Variants in TRPM3 observed in about 807,000 individuals in gnomAD.
TRPM3 encodes transient receptor potential cation channel subfamily M member 3.
Under a neutral mutation model 181.2 loss-of-function variants are expected in TRPM3, and 77 were observed. The ratio of observed to expected loss-of-function variants is 0.42; its 90% CI spans 0.35 to 0.51. The LOEUF is 0.51. Among genes scored for constraint, TRPM3 ranks in the 20% least tolerant of loss-of-function variants. The pLI is 0.01. For synonymous variants in TRPM3, 745 were observed against 796.4 expected, an observed-to-expected ratio of 0.94 and a Z score of 1.09; for missense variants, 1,759 against 2,196.7, an observed-to-expected ratio of 0.80 and a Z score of 3.98.
At chr9:70,948,501 C>G (rs1227831041) in intron 1 of TRPM3, among the ~76,000 whole-genome samples, 1 of 152,158 alleles carries the variant, frequency 6.6e-6, no homozygotes, top group African/African-American at 2.4e-5. Flanking sequence ...TGTACTGTGA[C>G]ATGCCCTCTG....
At chr9:71,133,843 A>G (rs967892063) in intron 1 of TRPM3, among the ~76,000 whole-genome samples, 1 of 152,172 alleles carries the variant, frequency 6.6e-6, no homozygotes, top group African/African-American at 2.4e-5. Flanking sequence ...CAATCTAAGC[A>G]CAGACAAACA....
At chr9:71,424,281 T>C (rs1407509361) in intron 1 of TRPM3, among the ~76,000 whole-genome samples, 4 of 152,186 alleles carry the variant, frequency 2.6e-5, no homozygotes, top group Non-Finnish European at 5.9e-5. Context: ...TATTACCTTG[T>C]GGCAAGCCAT....
chr9:70,847,078 A>T (rs150668868), intron 3 of TRPM3, among the ~76,000 whole-genome samples: 112 of 152,332 alleles, frequency 7.4e-4, no homozygotes, highest in African/African-American at 2.5e-3. Context: ...AATTACATTT[A>T]TTTATAGCTA....
intron 1 of TRPM3, among the ~76,000 whole-genome samples, chr9:70,895,713 C>T (rs1168138100): frequency 6.6e-6 from 1 of 151,984 alleles, no homozygotes; most frequent in Non-Finnish European, 1.5e-5. Flanking sequence ...CTGGGGGGAA[C>T]TGAGAATATA....
chr9:71,270,585 A>T (rs2083715681), intron 1 of TRPM3, among the ~76,000 whole-genome samples: 1 of 152,104 alleles, frequency 6.6e-6, no homozygotes, highest in Admixed American at 6.5e-5. Flanking sequence ...CTCCCTAGGT[A>T]TTCACTTAAC....
chr9:70,877,206 G>A (rs2095882910), intron 1 of TRPM3, among the ~76,000 whole-genome samples: 1 of 151,836 alleles, frequency 6.6e-6, no homozygotes, highest in Admixed American at 6.6e-5. Flanking sequence ...TTCGTTACTG[G>A]ATCTCACCGG....
intron 24 of TRPM3, among the ~76,000 whole-genome samples, chr9:70,551,775 G>A (rs111262240): frequency 4.8e-4 from 73 of 152,290 alleles, no homozygotes; most frequent in African/African-American, 1.6e-3. Context: ...ATTGGCTAGA[G>A]TTCCTGAGTC....
intron 1 of TRPM3, among the ~76,000 whole-genome samples, chr9:71,414,091 G>A (rs968041347): frequency 7.2e-5 from 11 of 151,978 alleles, no homozygotes; most frequent in Admixed American, 1.3e-4. Context: ...CCATTGTATC[G>A]CACTTATTGT....
intron 1 of TRPM3, among the ~76,000 whole-genome samples, chr9:71,003,427 T>G (rs1020578887): frequency 2.0e-5 from 3 of 151,624 alleles, no homozygotes; most frequent in Non-Finnish European, 2.9e-5. Context: ...TTGTACTTGT[T>G]AAGGTATATT....
intron 8 of TRPM3, among the ~76,000 whole-genome samples, chr9:70,684,594 G>GA (rs201016746): frequency 5.3e-5 from 8 of 150,716 alleles, no homozygotes; most frequent in African/African-American, 1.2e-4. Context: ...ATCTGCTTCA[G>GA]AAAAAAAAAG....
chr9:70,929,239 T>C (rs914462768), intron 1 of TRPM3, among the ~76,000 whole-genome samples: 1 of 152,028 alleles, frequency 6.6e-6, no homozygotes, highest in Non-Finnish European at 1.5e-5. Context: ...TCTCACTCTA[T>C]TGCCCAGGCT....
chr9:70,906,828 G>T (rs565804305), intron 1 of TRPM3, among the ~76,000 whole-genome samples: 20 of 152,090 alleles, frequency 1.3e-4, no homozygotes, highest in Admixed American at 9.8e-4. Flanking sequence ...GGTTGAACCC[G>T]GGAGGCAGAG....
At chr9:71,396,563 T>C (rs1442100876) in intron 1 of TRPM3, among the ~76,000 whole-genome samples, 2 of 152,078 alleles carry the variant, frequency 1.3e-5, no homozygotes, top group South Asian at 2.1e-4. Flanking sequence ...ACTCTTACAC[T>C]TGAGAAACCC....
chr9:71,372,440 C>T (rs1395438615), intron 1 of TRPM3, among the ~76,000 whole-genome samples: 1 of 152,170 alleles, frequency 6.6e-6, no homozygotes, highest in East Asian at 1.9e-4. Context: ...CTAATTTACA[C>T]TCCCACCAAC....
intron 1 of TRPM3, among the ~76,000 whole-genome samples, chr9:71,166,422 T>C (rs1457776484): frequency 6.6e-6 from 1 of 152,012 alleles, no homozygotes; most frequent in African/African-American, 2.4e-5. Flanking sequence ...GGATTAGGCC[T>C]TGAAAAAGAA....
chr9:71,201,253 T>C (rs2078771259), intron 1 of TRPM3, among the ~76,000 whole-genome samples: 2 of 152,216 alleles, frequency 1.3e-5, no homozygotes, highest in African/African-American at 4.8e-5. Context: ...GCTGTTAGTC[T>C]GATGGGCTTC....
chr9:70,934,633 T>C (rs985819955), intron 1 of TRPM3, among the ~76,000 whole-genome samples: 4 of 152,182 alleles, frequency 2.6e-5, no homozygotes, highest in Non-Finnish European at 5.9e-5. Context: ...GCAGAAAATA[T>C]ATAAAATATA....
At chr9:70,986,301 C>T (rs557959825) in intron 1 of TRPM3, among the ~76,000 whole-genome samples, 13 of 152,252 alleles carry the variant, frequency 8.5e-5, no homozygotes, top group African/African-American at 2.9e-4. Flanking sequence ...AAGTTCAAGG[C>T]TGCACTGAGC....
intron 21 of TRPM3, among the ~76,000 whole-genome samples, chr9:70,594,469 A>G (rs2058662325): frequency 6.6e-6 from 1 of 152,204 alleles, no homozygotes; most frequent in Admixed American, 6.5e-5. Flanking sequence ...TATCTGGCAC[A>G]CAGCAAATGA....
Sources: allele counts gnomAD v4.1 joint callset (sites outside exome capture counted in the v4.1 genomes callset), GRCh38; gene constraint gnomAD v4.1.1; transcripts MANE v1.5; gene names NCBI Gene and HGNC (gene_info 2026-07-23, HGNC 2026-07-21).